Variants in TRIM14 observed in about 807,000 individuals in gnomAD.
The protein encoded by TRIM14 is tripartite motif-containing protein 14.
A neutral mutation model predicts 44.5 loss-of-function variants in TRIM14; 28 were observed. The ratio of observed to expected loss-of-function variants is 0.63; its 90% confidence interval spans 0.47 to 0.86. TRIM14 has a LOEUF of 0.86. Ranked by LOEUF, TRIM14 falls within the 40% of genes least tolerant of loss-of-function variation. TRIM14 has a pLI of 0.00. For synonymous variants in TRIM14, 299 were observed against 269.2 expected (o/e 1.11, Z -1.08); for missense variants, 607 against 611.1 (o/e 0.99, Z 0.07).
Position 98,119,028 on chromosome 9 carries a change from C to A in TRIM14, c.161G>T (p.Arg54Leu). 6.4e-7 allele frequency: 1 copy of A among 1,571,400 alleles called. No individual in the cohort carries two copies. The highest frequency in any genetic ancestry group is 8.6e-7 in the Non-Finnish European group (1 of 1,168,126). The change falls in exon 1 of 6, where the codon CGT becomes CTT. Residue 54 changes from arginine (R) to leucine (L), a missense_variant. Physicochemically the swap from Arg to Leu is moderately radical, Grantham distance 102. Transcript: ENST00000341469. ...CALCPVLGAH[R>L]GHPVGLALEA... ...CAGCGCCAGGCCCACAGGGTGGCCA[C>A]GGTGCGCGCCCAGCACCGGGCAAAG...
At chr9:98,100,306 A>C (rs1826343053) in intron 2 of TRIM14, 142 bp from the exon 3 acceptor site, 1 of 673,694 alleles carries the variant, frequency 1.5e-6, no homozygotes, top group African/African-American at 1.8e-5. Flanking sequence ...ATAAAAACCA[A>C]AGCTTTCCTA....
At chr9:98,049,340 T>TAAAA in the TRIM14 span, among the ~76,000 whole-genome samples, 1 of 67,028 alleles carries the variant, frequency 1.5e-5, no homozygotes, top group Non-Finnish European at 2.7e-5. Context: ...AGACTCTGCA[T>TAAAA]AAAAAAAAAA....
downstream of TRIM14, among the ~76,000 whole-genome samples, chr9:98,065,483 A>ATTTTTTTTTTTTTTTTTTTTTTT (rs397837187): frequency 1.7e-5 from 1 of 58,632 alleles, no homozygotes; most frequent in Non-Finnish European, 2.8e-5. Context: ...TGCCCAGCTA[A>ATTTTTTTTTTTTTTTTTTTTTTT]TTTTTTTTTT....
At chr9:98,088,440 C>T (rs1446152134) in intron 5 of TRIM14, among the ~76,000 whole-genome samples, 1 of 152,018 alleles carries the variant, frequency 6.6e-6, no homozygotes, top group Non-Finnish European at 1.5e-5. Context: ...CTGCAAGCTC[C>T]GCCTCCCAGG....
chr9:98,056,981 G>C, the TRIM14 span: 1 of 1,532,682 alleles, frequency 6.5e-7, no homozygotes, highest in Admixed American at 1.9e-5. Context: ...CGGGCGCCGG[G>C]AGGGGCGGGG....
At chr9:98,038,191 C>T in the TRIM14 span, among the ~76,000 whole-genome samples, 1 of 152,044 alleles carries the variant, frequency 6.6e-6, no homozygotes, top group African/African-American at 2.4e-5. Context: ...GCTGGGATTA[C>T]AGGCACGAGC....
At chr9:98,056,697 G>C in the TRIM14 span, 8 of 1,439,916 alleles carry the variant, frequency 5.6e-6, no homozygotes, top group African/African-American at 1.0e-4. Flanking sequence ...GGGCTGACGT[G>C]GCGGGGCTGG....
At chr9:98,042,720 A>C in the TRIM14 span, among the ~76,000 whole-genome samples, 1 of 152,052 alleles carries the variant, frequency 6.6e-6, no homozygotes, top group East Asian at 1.9e-4. Flanking sequence ...AAATACAAAA[A>C]TTAGCTGAGC....
chr9:98,054,858 A>G, the TRIM14 span, among the ~76,000 whole-genome samples: 2 of 152,200 alleles, frequency 1.3e-5, no homozygotes, highest in Admixed American at 1.3e-4. Context: ...TAACTGCTCA[A>G]CTGGTTCACC....
chr9:98,070,963 C>T (rs996020121), intron 6 of TRIM14, among the ~76,000 whole-genome samples: 6 of 151,844 alleles, frequency 4.0e-5, no homozygotes, highest in African/African-American at 1.2e-4. Context: ...AGGTCCATGC[C>T]ACCACAACCA....
At chr9:98,077,016 A>G in intron 6 of TRIM14, 2 of 1,603,060 alleles carry the variant, frequency 1.2e-6, no homozygotes, top group Non-Finnish European at 1.7e-6. Context: ...CAGCCAAAAA[A>G]GGTAAGTGTC....
chr9:98,066,085 G>C (rs1211357709), downstream of TRIM14, among the ~76,000 whole-genome samples: 1 of 152,142 alleles, frequency 6.6e-6, no homozygotes, highest in African/African-American at 2.4e-5. Flanking sequence ...CTCCATAGTT[G>C]CTTCCCCAGG....
chr9:98,081,917 A>G (rs1587933106), downstream of TRIM14: 1 of 152,246 alleles, frequency 6.6e-6, no homozygotes, highest in East Asian at 1.9e-4. Context: ...GGAGAGAATT[A>G]GACCAGAAAC....
At position 98,087,986 on chromosome 9, in the gene TRIM14, C is replaced by CAGCGTG. The variant is rs1394975654; in HGVS notation, c.807_812dup (p.Thr270_Leu271dup). On this transcript the variant is annotated inframe_insertion, in exon 6 of 6. Coordinates refer to ENST00000341469, the MANE Select transcript of TRIM14 (RefSeq NM_014788.4). ...GGCGCGCGTGCATCGTGTCAGGATC[C>CAGCGTG]AGCGTGGGCGTGCGCGCGTCTGCAG... The CAGCGTG allele has an allele frequency of 6.4e-7, 1 of 1,553,886 alleles. No individual in the cohort carries two copies. The highest frequency in any genetic ancestry group is 2.5e-5 in the East Asian group (1 of 39,828).
At position 98,088,000 on chromosome 9, in the gene TRIM14, G is replaced by A; in HGVS notation, c.799C>T (p.Arg267Cys). ...GTGTCAGGATCCAGCGTGGGCGTGC[G>A]CGCGTCTGCAGGGGGCGAGACAAGG... ...PERSLLLKYA[R>C]TPTLDPDTMH... is the part of the protein sequence containing the mutation. The change falls in exon 6 of 6, where the codon CGC becomes TGC. Residue 267 changes from arginine to cysteine, a missense_variant. Around this residue, in one of 3 missense-constraint regions of TRIM14, gnomAD observed 356 missense variants for 323.0 expected, o/e 1.10. Transcript: ENST00000341469. The A allele has an allele frequency of 6.5e-7, 1 of 1,540,656 alleles. No individual in the cohort carries two copies. Among genetic ancestry groups the A allele is most frequent in the South Asian group, 1.2e-5 (1 of 84,362 alleles).
the TRIM14 span, among the ~76,000 whole-genome samples, chr9:98,049,722 CT>C: frequency 4.6e-3 from 706 of 152,226 alleles, 2 homozygotes; most frequent in African/African-American, 0.016. Flanking sequence ...TCAGCAAGGC[CT>C]TTGTGACATG....
downstream of TRIM14, chr9:98,081,144 T>G: frequency 1.3e-6 from 2 of 1,594,870 alleles, no homozygotes; most frequent in Non-Finnish European, 1.7e-6. Context: ...TAGGCTGGCC[T>G]GAGAGGGATG....
chr9:98,060,024 G>A, the TRIM14 span, among the ~76,000 whole-genome samples: 12 of 152,230 alleles, frequency 7.9e-5, no homozygotes, highest in Non-Finnish European at 1.3e-4. Context: ...CTTTTATATC[G>A]ATGGAGAAAC....
intron 2 of TRIM14, among the ~76,000 whole-genome samples, chr9:98,103,543 T>C (rs1184301967): frequency 6.6e-6 from 1 of 151,794 alleles, no homozygotes. Context: ...TTTATACAAT[T>C]AAAAAAACAC....
Sources: allele counts gnomAD v4.1 joint callset (sites outside exome capture counted in the v4.1 genomes callset), GRCh38; gene constraint gnomAD v4.1.1; regional missense constraint gnomAD v4.1.1; transcripts MANE v1.5; gene names NCBI Gene and HGNC (gene_info 2026-07-23, HGNC 2026-07-21).